The following UPF3A variants were observed in gnomAD, a reference collection of about 807,000 sequenced individuals.
UPF3A encodes UPF3A regulator of nonsense mediated mRNA decay.
Under a neutral mutation model 53.5 loss-of-function variants are expected in UPF3A, and 42 were observed. The ratio of observed to expected loss-of-function variants is 0.78; its 90% CI spans 0.61 to 1.01. The LOEUF is 1.01. Among genes scored for constraint, UPF3A ranks in the 50% least tolerant of loss-of-function variants. The probability of loss-of-function intolerance (pLI) is 0.00; values close to 1 mark genes in which losing one functional copy is unlikely to be tolerated. For missense variants in UPF3A, 575 were observed against 598.0 expected, an observed-to-expected ratio of 0.96 and a Z score of 0.40; for synonymous variants, 237 against 225.3, an observed-to-expected ratio of 1.05 and a Z score of -0.47.
rs192452585 is a variant in UPF3A, at chr13:114,291,973, G to A, written c.846+181G>A. Among the ~76,000 whole-genome samples, 40 of 151,842 alleles carry A rather than the reference G, an allele frequency of 2.6e-4. No homozygotes were observed. The East Asian group carries it at 4.4e-3, about 17-fold the overall frequency. On this transcript the variant is annotated intron_variant, in intron 7 of 9. Transcript: ENST00000375299. ...CCTACAGCAGTGGTTATCACAGTGC[G>A]TCCTGAGCCCTGGGAGTCCTCAGGC...
chr13:114,294,431 TA>T (rs1198661129), intron 7 of UPF3A, among the ~76,000 whole-genome samples: 7 of 151,534 alleles, frequency 4.6e-5, no homozygotes, highest in South Asian at 2.1e-4. Flanking sequence ...ATAGCTAATT[TA>T]AAAAAAAATT....
Position 114,282,061 on chromosome 13 carries a change from A to T in UPF3A, c.248A>T (p.Gln83Leu). Residue 83 changes from glutamine (Q) to leucine (L), a missense_variant, in exon 2 of 10, where the codon CAG becomes CTG. Around this residue, in one of 2 missense-constraint regions of UPF3A, gnomAD observed 252 missense variants for 182.7 expected, o/e 1.38. Transcript: ENST00000375299. Reference sequence around the variant, plus strand: ...CTGCCTCCGGGCCTCACCAAGGAGCAGCTGGAGGAGCAGCTGCGCCCGCTG... The same window carrying T: ...CTGCCTCCGGGCCTCACCAAGGAGCTGCTGGAGGAGCAGCTGCGCCCGCTG... Reference protein sequence around the residue: ...RRLPPGLTKEQLEEQLRPLPA... With the variant: ...RRLPPGLTKELLEEQLRPLPA... The T allele has an allele frequency of 6.3e-7, 1 of 1,579,696 alleles. No homozygotes were observed.
At chr13:114,295,715 T>C (rs140402897) in intron 7 of UPF3A, among the ~76,000 whole-genome samples, 35 of 152,346 alleles carry the variant, frequency 2.3e-4, no homozygotes, top group African/African-American at 8.2e-4. Context: ...CATTCCCCCT[T>C]GACCACCGTT....
intron 7 of UPF3A, among the ~76,000 whole-genome samples, chr13:114,293,532 T>C (rs900255292): frequency 6.6e-6 from 1 of 152,232 alleles, no homozygotes; most frequent in Non-Finnish European, 1.5e-5. Flanking sequence ...GAGTTTTTTC[T>C]GTGACTGATA....
At chr13:114,286,729 C>T in intron 5 of UPF3A, 100 bp downstream of exon 5, 1 of 930,632 alleles carries the variant, frequency 1.1e-6, no homozygotes, top group Non-Finnish European at 1.6e-6. Context: ...CAAGTTGAAA[C>T]TTGTTACAGG....
Position 114,305,079 on chromosome 13 carries a change from A to G in UPF3A, c.*162A>G. ...AACACGCAGAAACCATTCTAAAGAA[A>G]GTAGTGATCTTGTATTAAATTGAGC... On this transcript the variant is annotated 3_prime_UTR_variant, in exon 10 of 10. Coordinates refer to ENST00000375299, the MANE Select transcript of UPF3A (RefSeq NM_023011.4). 1 of 832,006 alleles carries G rather than the reference A, an allele frequency of 1.2e-6. No homozygotes were observed. Among genetic ancestry groups the G allele is most frequent in the Non-Finnish European group, 1.9e-6 (1 of 525,312 alleles). 51.5% of individuals were successfully genotyped at this position (832,006 alleles called of 1,614,324 possible).
At chr13:114,296,109 G>T (rs1156481680) in intron 7 of UPF3A, among the ~76,000 whole-genome samples, 1 of 152,244 alleles carries the variant, frequency 6.6e-6, no homozygotes, top group African/African-American at 2.4e-5. Context: ...CAGGGGCCAG[G>T]CACAGTGGCT....
rs1256840842 is a variant in UPF3A, at chr13:114,282,958, T to C, written c.421+15T>C. On this transcript the variant is annotated intron_variant, in intron 3 of 9. Transcript: ENST00000375299. Reference sequence around the variant, plus strand: ...TGACAGCAAAGGTTGGATTATTGGTTTTTAAAAATCTATTATAATCTGTAG... The same window carrying C: ...TGACAGCAAAGGTTGGATTATTGGTCTTTAAAAATCTATTATAATCTGTAG... 6.4e-7 allele frequency: 1 copy of C among 1,550,510 alleles called. No homozygotes were observed. Among genetic ancestry groups the C allele is most frequent in the Admixed American group, 1.8e-5 (1 of 56,770 alleles).
rs567334744 is a variant in UPF3A at position 114,286,546 on chromosome 13, C to A, written c.548C>A (p.Thr183Asn). 71 of 1,613,498 alleles carry A rather than the reference C, an allele frequency of 4.4e-5. No individual in the cohort carries two copies. The highest frequency in any genetic ancestry group is 5.0e-5 in the Admixed American group (3 of 59,848). The change falls in exon 5 of 10, where the codon ACC (threonine) becomes AAC (asparagine). Residue 183 changes from threonine to asparagine, a missense_variant. By Grantham distance (65) the Thr-to-Asn change is moderately conservative. Coordinates refer to ENST00000375299, the MANE Select transcript of UPF3A (RefSeq NM_023011.4). ...DDPEYKKFLETYCVEEEKTSA... is the reference protein window; with the variant it reads ...DDPEYKKFLENYCVEEEKTSA... ...CCAGAATATAAGAAGTTTTTAGAAACCTACTGTGTGGAGGAAGAGAAGACC... is the reference window on the plus strand; with the variant it reads ...CCAGAATATAAGAAGTTTTTAGAAAACTACTGTGTGGAGGAAGAGAAGACC...
At position 114,281,636 on chromosome 13, in the gene UPF3A, C is replaced by A. The variant is rs1054139671; in HGVS notation, c.-4C>A. ...GGCGGCTGCGGCTCGGCGGAGAGTG[C>A]GGCATGCGCTCGGAAAAGGAGGGGG... On this transcript the variant is annotated 5_prime_UTR_variant, in exon 1 of 10. Coordinates refer to ENST00000375299, the MANE Select transcript of UPF3A (RefSeq NM_023011.4). 2 of 1,459,232 alleles carry A rather than the reference C, an allele frequency of 1.4e-6. No homozygotes were observed. Among genetic ancestry groups the A allele is most frequent in the Non-Finnish European group, 1.8e-6 (2 of 1,106,310 alleles). The allele number at this position is 1,459,232 out of a possible 1,614,324, so 90.4% of individuals were successfully genotyped here.
rs2084013020 is a variant in UPF3A, at chr13:114,281,656, A to AG, written c.22dup (p.Ala8GlyfsTer36). 3 of 1,503,684 alleles carry AG rather than the reference A, an allele frequency of 2.0e-6. No homozygotes were observed. Among genetic ancestry groups the AG allele is most frequent in the South Asian group, 2.5e-5 (2 of 80,812 alleles). The allele number at this position is 1,503,684 out of a possible 1,614,324, so 93.1% of individuals were successfully genotyped here. On this transcript the variant is annotated frameshift_variant, in exon 1 of 10. Coordinates refer to ENST00000375299, the MANE Select transcript of UPF3A (RefSeq NM_023011.4). LOFTEE classifies it high-confidence loss of function. Reference sequence around the variant, plus strand: ...GAGTGCGGCATGCGCTCGGAAAAGGAGGGGGCCGGAGGCCTTCGGGCGGCC... The same window carrying AG: ...GAGTGCGGCATGCGCTCGGAAAAGGAGGGGGGCCGGAGGCCTTCGGGCGGCC...
At chr13:114,302,631 T>C (rs1238553129) in intron 9 of UPF3A, among the ~76,000 whole-genome samples, 1 of 152,208 alleles carries the variant, frequency 6.6e-6, no homozygotes, top group Admixed American at 6.5e-5. Flanking sequence ...TCCCTCCCCA[T>C]GTCTAACCCC....
At chr13:114,282,788 G>T in intron 2 of UPF3A, 49 bp from the exon 3 acceptor site, 1 of 1,566,108 alleles carries the variant, frequency 6.4e-7, no homozygotes, top group South Asian at 1.2e-5. Flanking sequence ...TAAATTAATG[G>T]ACTATTGTAT....
At chr13:114,297,886 T>C (rs1024722099) in intron 7 of UPF3A, among the ~76,000 whole-genome samples, 7 of 152,126 alleles carry the variant, frequency 4.6e-5, no homozygotes, top group Non-Finnish European at 1.0e-4. Context: ...CACGCCCCTG[T>C]AGTCCTGGCT....
intron 7 of UPF3A, among the ~76,000 whole-genome samples, chr13:114,296,016 T>G (rs1355309328): frequency 6.6e-6 from 1 of 151,830 alleles, no homozygotes; most frequent in Non-Finnish European, 1.5e-5. Context: ...GCAGAGGGCC[T>G]AGAGAGAGGT....
At chr13:114,284,065 C>T in intron 3 of UPF3A, 1 of 985,312 alleles carries the variant, frequency 1.0e-6, no homozygotes, top group Non-Finnish European at 1.2e-6. Flanking sequence ...CCCTTTTTCA[C>T]TTAAAAAATA....
At chr13:114,289,261 C>T (rs879921591) in intron 5 of UPF3A, among the ~76,000 whole-genome samples, 17 of 152,134 alleles carry the variant, frequency 1.1e-4, no homozygotes, top group Non-Finnish European at 2.1e-4. Flanking sequence ...TGCGGTGGCT[C>T]ACACCTGTAA....
Position 114,282,871 on chromosome 13 carries a change from A to C in UPF3A, c.349A>C (p.Asn117His). The C allele has an allele frequency of 1.9e-6, 3 of 1,611,396 alleles. No individual in the cohort carries two copies. The highest frequency in any genetic ancestry group is 2.5e-6 in the Non-Finnish European group (3 of 1,178,314). ...YPHLYSRAYINFRNPDDILLF... is the reference protein window; with the variant it reads ...YPHLYSRAYIHFRNPDDILLF... ...TCATCTCTACTCAAGAGCATACATT[A>C]ATTTTAGGAATCCTGATGACATCCT... Residue 117 changes from asparagine to histidine, a missense_variant, in exon 3 of 10, where the codon AAT (asparagine) becomes CAT (histidine). Asn to His is a moderately conservative substitution (Grantham distance 68). Around this residue, in one of 2 missense-constraint regions of UPF3A, gnomAD observed 252 missense variants for 182.7 expected, o/e 1.38. Transcript: ENST00000375299.
At chr13:114,294,688 G>T (rs1032789466) in intron 7 of UPF3A, among the ~76,000 whole-genome samples, 1 of 151,808 alleles carries the variant, frequency 6.6e-6, no homozygotes, top group Admixed American at 6.6e-5. Context: ...AGCTGGGCGT[G>T]GTGGCACACG....
Sources: allele counts gnomAD v4.1 joint callset (sites outside exome capture counted in the v4.1 genomes callset), GRCh38; gene constraint gnomAD v4.1.1; regional missense constraint gnomAD v4.1.1; transcripts MANE v1.5; gene names NCBI Gene and HGNC (gene_info 2026-07-23, HGNC 2026-07-21).